ENTREP2: variants seen among roughly 807,000 people sequenced by gnomAD.
The protein encoded by ENTREP2 is protein ENTREP2.
At chr15:29,343,027 T>TGGGGGGGGGG in the ENTREP2 span, among the ~76,000 whole-genome samples, 2 of 130,984 alleles carry the variant, frequency 1.5e-5, no homozygotes, top group Admixed American at 8.2e-5. Context: ...TAAAAAGGAA[T>TGGGGGGGGGG]GGGGGGGGTG....
chr15:29,244,937 T>A, the ENTREP2 span, among the ~76,000 whole-genome samples: 2 of 152,214 alleles, frequency 1.3e-5, no homozygotes, highest in Admixed American at 6.5e-5. Flanking sequence ...TGAAATACCA[T>A]CATCTAATGT....
At chr15:29,166,853 A>G in the ENTREP2 span, among the ~76,000 whole-genome samples, 1,395 of 152,254 alleles carry the variant, frequency 9.2e-3, 20 homozygotes, top group African/African-American at 0.031. Flanking sequence ...AAAAGAGCCC[A>G]CATAGCCAAA....
the ENTREP2 span, among the ~76,000 whole-genome samples, chr15:29,210,145 G>T: frequency 6.6e-6 from 1 of 151,766 alleles, no homozygotes; most frequent in African/African-American, 2.4e-5. Context: ...CCAATCCACA[G>T]CCCACACCTC....
the ENTREP2 span, among the ~76,000 whole-genome samples, chr15:29,352,002 A>G: frequency 1.3e-5 from 2 of 152,142 alleles, no homozygotes; most frequent in East Asian, 1.9e-4. Flanking sequence ...TGGCACAATC[A>G]TAACTAACTA....
chr15:29,597,367 G>A, the ENTREP2 span, among the ~76,000 whole-genome samples: 2 of 151,706 alleles, frequency 1.3e-5, no homozygotes, highest in Non-Finnish European at 2.9e-5. Context: ...TCAGGAGTTC[G>A]AGACCAGCCT....
chr15:29,408,170 T>C, the ENTREP2 span, among the ~76,000 whole-genome samples: 1 of 152,134 alleles, frequency 6.6e-6, no homozygotes, highest in East Asian at 1.9e-4. Flanking sequence ...AGTGGTCTGA[T>C]TCATCAGCAG....
At chr15:29,371,835 G>C in the ENTREP2 span, among the ~76,000 whole-genome samples, 1 of 151,948 alleles carries the variant, frequency 6.6e-6, no homozygotes, top group South Asian at 2.1e-4. Context: ...AAAATGTTAA[G>C]AATCCCATAG....
chr15:29,524,219 T>C, the ENTREP2 span, among the ~76,000 whole-genome samples: 1 of 152,174 alleles, frequency 6.6e-6, no homozygotes, highest in Non-Finnish European at 1.5e-5. Context: ...AGGATTTGCA[T>C]AGACATTTCT....
chr15:29,608,546 A>ATTAT, the ENTREP2 span, among the ~76,000 whole-genome samples: 2 of 141,380 alleles, frequency 1.4e-5, no homozygotes, highest in South Asian at 2.2e-4. Context: ...TATTATTATT[A>ATTAT]TTATTTATTT....
At chr15:29,487,287 AG>A in the ENTREP2 span, among the ~76,000 whole-genome samples, 21 of 152,216 alleles carry the variant, frequency 1.4e-4, no homozygotes, top group Non-Finnish European at 7.3e-5. Context: ...AAGAAGCCTG[AG>A]AAGACCCCAG....
At chr15:29,275,685 T>C in the ENTREP2 span, among the ~76,000 whole-genome samples, 12 of 152,250 alleles carry the variant, frequency 7.9e-5, no homozygotes, top group African/African-American at 2.9e-4. Flanking sequence ...GTCTTTTCGA[T>C]AGCAAATGCC....
At chr15:29,148,244 A>G in the ENTREP2 span, among the ~76,000 whole-genome samples, 4 of 152,200 alleles carry the variant, frequency 2.6e-5, no homozygotes, top group African/African-American at 9.6e-5. Flanking sequence ...CTCTGTGAAG[A>G]TATTAAAACC....
the ENTREP2 span, among the ~76,000 whole-genome samples, chr15:29,273,216 T>A: frequency 6.6e-6 from 1 of 151,166 alleles, no homozygotes; most frequent in Admixed American, 6.6e-5. Context: ...TTTTTTTTTT[T>A]GAGATGGAGT....
At chr15:29,359,084 G>A in the ENTREP2 span, among the ~76,000 whole-genome samples, 6 of 152,170 alleles carry the variant, frequency 3.9e-5, no homozygotes, top group Non-Finnish European at 7.3e-5. Flanking sequence ...GGAATGAACA[G>A]TAATATCCCA....
the ENTREP2 span, among the ~76,000 whole-genome samples, chr15:29,271,375 T>C: frequency 2.6e-5 from 4 of 152,342 alleles, no homozygotes; most frequent in South Asian, 2.1e-4. Flanking sequence ...GTGGATGTTG[T>C]ATTGAGGGAA....
chr15:29,335,766 C>T, the ENTREP2 span, among the ~76,000 whole-genome samples: 1 of 152,220 alleles, frequency 6.6e-6, no homozygotes, highest in Non-Finnish European at 1.5e-5. Context: ...CATTGTGTCT[C>T]TCCAGAGAAA....
the ENTREP2 span, among the ~76,000 whole-genome samples, chr15:29,617,857 C>A: frequency 6.6e-6 from 1 of 152,196 alleles, no homozygotes; most frequent in Admixed American, 6.5e-5. Flanking sequence ...TGACAGAGGG[C>A]CTGTGTCTCA....
the ENTREP2 span, among the ~76,000 whole-genome samples, chr15:29,262,593 G>A: frequency 6.6e-6 from 1 of 152,198 alleles, no homozygotes; most frequent in African/African-American, 2.4e-5. Flanking sequence ...GGAAGGCATG[G>A]AAGCTCCACA....
At chr15:29,524,945 C>G in the ENTREP2 span, among the ~76,000 whole-genome samples, 4 of 152,238 alleles carry the variant, frequency 2.6e-5, no homozygotes, top group Admixed American at 2.0e-4. Context: ...TGTCCCTCCC[C>G]CTGTGCTCTC....
Sources: allele counts gnomAD v4.1 joint callset (sites outside exome capture counted in the v4.1 genomes callset), GRCh38; gene constraint gnomAD v4.1.1; transcripts MANE v1.5; gene names NCBI Gene and HGNC (gene_info 2026-07-23, HGNC 2026-07-21).